STYXL2: variants seen among roughly 807,000 people sequenced by gnomAD.
STYXL2 encodes the protein serine/threonine/tyrosine interacting like 2.
A neutral mutation model predicts 52.4 loss-of-function variants in STYXL2; 44 were observed. That is an observed-to-expected ratio of 0.84 (90% CI 0.66 to 1.08). STYXL2 has a LOEUF of 1.08. STYXL2 is among the 50% of genes least tolerant of loss of function. STYXL2 has a pLI of 0.00. For synonymous variants in STYXL2, 604 were observed against 586.9 expected, an observed-to-expected ratio of 1.03 and a Z score of -0.42; for missense variants, 1,604 against 1,471.7, an observed-to-expected ratio of 1.09 and a Z score of -1.47.
chr1:167,107,343 C>A (rs1370922513), intron 2 of STYXL2, among the ~76,000 whole-genome samples: 1 of 152,196 alleles, frequency 6.6e-6, no homozygotes, highest in African/African-American at 2.4e-5. Flanking sequence ...GATTCTAGGG[C>A]AGTAGACATA....
intron 2 of STYXL2, among the ~76,000 whole-genome samples, chr1:167,111,676 A>G (rs1017922029): frequency 2.6e-5 from 4 of 151,884 alleles, no homozygotes; most frequent in Non-Finnish European, 5.9e-5. Flanking sequence ...GTTTTCACTT[A>G]TAAGTAGGAG....
chr1:167,096,026 G>A lies in STYXL2; in HGVS notation c.110+1067G>A, dbSNP rs949794374. On this transcript the variant is annotated intron_variant, in intron 2 of 5. Transcript: ENST00000361200. Reference sequence around the variant, plus strand: ...AAATTCAGCATTATGTTGGGAGGCCGAGGTGGGAGGATCATGAGGTCAGGA... The same window carrying A: ...AAATTCAGCATTATGTTGGGAGGCCAAGGTGGGAGGATCATGAGGTCAGGA... 2.8e-4 allele frequency among the ~76,000 whole-genome samples: 42 copies of A among 152,058 alleles called. 1 individual carries two copies. The highest frequency in any genetic ancestry group is 1.2e-4 in the Non-Finnish European group (8 of 68,016).
At chr1:167,113,967 T>A (rs1384339426) in intron 3 of STYXL2, among the ~76,000 whole-genome samples, 163 bp downstream of exon 3, 1 of 152,062 alleles carries the variant, frequency 6.6e-6, no homozygotes, top group Non-Finnish European at 1.5e-5. Context: ...CTCCTCAACT[T>A]TGATAGGATG....
chr1:167,098,944 A>C (rs1667346782), intron 2 of STYXL2, among the ~76,000 whole-genome samples: 1 of 152,216 alleles, frequency 6.6e-6, no homozygotes, highest in Admixed American at 6.5e-5. Context: ...ACAAATGTCC[A>C]TGAAGTTTCA....
chr1:167,126,285 A>G lies in STYXL2; in HGVS notation c.1154A>G (p.Glu385Gly). 1 of 1,530,860 alleles carries G rather than the reference A, an allele frequency of 6.5e-7. No homozygotes were observed. The allele number at this position is 1,530,860 out of a possible 1,614,324, so 94.8% of individuals were successfully genotyped here. A position where few individuals can be genotyped will look rare whatever the true frequency, so the allele number is the denominator to read the frequency against. ...ASSGQGGEEL[E>G]DEDVERIIQE... ...TCTGGCCAGGGTGGGGAGGAGCTCG[A>G]GGACGAGGACGTGGAGAGGATCATC... The change falls in exon 6 of 6, where the codon GAG becomes GGG. Residue 385 changes from glutamate to glycine, a missense_variant. By Grantham distance (98) the Glu-to-Gly change is moderately conservative. Transcript: ENST00000361200.
intron 2 of STYXL2, among the ~76,000 whole-genome samples, chr1:167,099,242 T>C (rs563410284): frequency 6.6e-6 from 1 of 152,194 alleles, no homozygotes; most frequent in African/African-American, 2.4e-5. Context: ...GTATATTTTT[T>C]AAAACTATCT....
Position 167,127,752 on chromosome 1 carries a change from T to A in STYXL2, c.2621T>A (p.Val874Asp), listed in dbSNP as rs1478032915. 5.0e-6 allele frequency: 8 copies of A among 1,613,426 alleles called. No homozygotes were observed. In the Admixed American group the frequency reaches 1.2e-4, roughly 24 times the overall value. Reference protein sequence around the residue: ...KRSSLFKKKKVKEDEDDGVGD... With the variant: ...KRSSLFKKKKDKEDEDDGVGD... Reference sequence around the variant, plus strand: ...AGCTCCCTCTTCAAGAAGAAGAAGGTCAAGGAAGATGAGGATGATGGTGTG... The same window carrying A: ...AGCTCCCTCTTCAAGAAGAAGAAGGACAAGGAAGATGAGGATGATGGTGTG... The change falls in exon 6 of 6, where the codon GTC (valine) becomes GAC (aspartate). Residue 874 changes from valine to aspartate, a missense_variant. By Grantham distance (152) the Val-to-Asp change is radical. Coordinates refer to ENST00000361200, the MANE Select transcript of STYXL2 (RefSeq NM_001080426.3).
At position 167,094,890 on chromosome 1, in the gene STYXL2, C is replaced by T. The variant is rs1292737078; in HGVS notation, c.41C>T (p.Pro14Leu). ...RKDTEEEQVV[P>L]SEEDEANVRA... ...GACACAGAGGAGGAGCAGGTAGTCC[C>T]AAGCGAGGAGGACGAAGCCAACGTG... Residue 14 changes from proline to leucine, a missense_variant, in exon 2 of 6, where the codon CCA becomes CTA. By Grantham distance (98) the Pro-to-Leu change is moderately conservative (BLOSUM62 -3). Coordinates refer to ENST00000361200, the MANE Select transcript of STYXL2 (RefSeq NM_001080426.3). 1 of 1,613,384 alleles carries T rather than the reference C, an allele frequency of 6.2e-7. No individual in the cohort carries two copies. Among genetic ancestry groups the T allele is most frequent in the Non-Finnish European group, 8.5e-7 (1 of 1,179,814 alleles).
chr1:167,124,742 TA>T (rs1006944934), intron 5 of STYXL2, among the ~76,000 whole-genome samples: 2 of 152,188 alleles, frequency 1.3e-5, no homozygotes, highest in Non-Finnish European at 2.9e-5. Context: ...TTGCAGTTTT[TA>T]AAAAACGTTT....
At chr1:167,120,654 AG>A (rs1667832794) in intron 5 of STYXL2, among the ~76,000 whole-genome samples, 1 of 151,868 alleles carries the variant, frequency 6.6e-6, no homozygotes, top group Non-Finnish European at 1.5e-5. Context: ...TTTTAGAGAC[AG>A]GATGCAGCTC....
intron 3 of STYXL2, 40 bp from the exon 4 acceptor site, chr1:167,117,288 T>TTCC: frequency 6.5e-7 from 1 of 1,532,590 alleles, no homozygotes; most frequent in Admixed American, 1.9e-5. Context: ...GGCCATGATG[T>TTCC]TCCTAACTCT....
intron 3 of STYXL2, 34 bp downstream of exon 3, chr1:167,113,838 C>A: frequency 6.5e-7 from 1 of 1,541,244 alleles, no homozygotes; most frequent in South Asian, 1.1e-5. Context: ...GAAGCAAAGT[C>A]CAGTGGTCAT....
rs74780335 is a variant in STYXL2 at position 167,114,539 on chromosome 1, C to G, written c.205+735C>G. On this transcript the variant is annotated intron_variant, in intron 3 of 5. Coordinates refer to ENST00000361200, the MANE Select transcript of STYXL2 (RefSeq NM_001080426.3). ...TCAACCACCGCTGGTGGCCACAATCCTTTCCTTGGTCTTTCATTATTAGAA... is the reference window on the plus strand; with the variant it reads ...TCAACCACCGCTGGTGGCCACAATCGTTTCCTTGGTCTTTCATTATTAGAA... 6.2e-3 allele frequency among the ~76,000 whole-genome samples: 944 copies of G among 152,280 alleles called. 14 individuals carry two copies. Among genetic ancestry groups the G allele is most frequent in the African/African-American group, 0.021 (890 of 41,548 alleles).
chr1:167,098,107 G>T (rs1052419493), intron 2 of STYXL2, among the ~76,000 whole-genome samples: 8 of 148,914 alleles, frequency 5.4e-5, no homozygotes, highest in African/African-American at 2.0e-4. Context: ...TGCCTCCAGG[G>T]TTCAAGTGAG....
intron 2 of STYXL2, among the ~76,000 whole-genome samples, chr1:167,103,403 T>G (rs756456144): frequency 3.9e-5 from 6 of 152,144 alleles, no homozygotes; most frequent in Non-Finnish European, 7.4e-5. Flanking sequence ...CTTGCAAAAC[T>G]TCACCCAGTG....
chr1:167,110,218 GAAC>G (rs1667588597), intron 2 of STYXL2, among the ~76,000 whole-genome samples: 2 of 152,182 alleles, frequency 1.3e-5, no homozygotes, highest in Admixed American at 1.3e-4. Context: ...AAAAGAATCT[GAAC>G]AGTAGCCCTT....
Position 167,119,256 on chromosome 1 carries a change from G to A in STYXL2, c.445G>A (p.Ala149Thr), listed in dbSNP as rs1667797126. ...CCCTGCCTCTTCCCGCAGGAGTGTG[G>A]CTGTGAACAAGGGGAGGCTGAAGAG... ...PNVFIAEKSV[A>T]VNKGRLKRLG... Residue 149 changes from alanine (A) to threonine (T), a missense_variant, in exon 5 of 6, where the codon GCT (alanine) becomes ACT (threonine). Transcript: ENST00000361200. The A allele has an allele frequency of 1.9e-6, 3 of 1,614,170 alleles. No individual in the cohort carries two copies. The highest frequency in any genetic ancestry group is 2.5e-6 in the Non-Finnish European group (3 of 1,180,014).
At chr1:167,099,242 T>A (rs563410284) in intron 2 of STYXL2, among the ~76,000 whole-genome samples, 4 of 152,312 alleles carry the variant, frequency 2.6e-5, no homozygotes, top group South Asian at 2.1e-4. Context: ...GTATATTTTT[T>A]AAAACTATCT....
intron 3 of STYXL2, among the ~76,000 whole-genome samples, chr1:167,114,252 C>A (rs1470175844): frequency 6.6e-6 from 1 of 152,100 alleles, no homozygotes; most frequent in African/African-American, 2.4e-5. Context: ...GGGTGGGGAG[C>A]ACCCAATATT....
Sources: allele counts gnomAD v4.1 joint callset (sites outside exome capture counted in the v4.1 genomes callset), GRCh38; gene constraint gnomAD v4.1.1; transcripts MANE v1.5; gene names NCBI Gene and HGNC (gene_info 2026-07-23, HGNC 2026-07-21).